The following RIN3 variants were observed in gnomAD, a reference collection of about 807,000 sequenced individuals.
RIN3 encodes the protein Ras and Rab interactor 3.
In RIN3, 54 loss-of-function variants were observed where a neutral mutation model predicts 76.3. That is an observed-to-expected ratio of 0.71 (90% confidence interval 0.57 to 0.89). RIN3 has a LOEUF of 0.89. Among genes scored for constraint, RIN3 ranks in the 40% least tolerant of loss-of-function variants. The pLI is 0.00. For synonymous variants in RIN3, 576 were observed against 564.0 expected (o/e 1.02, Z -0.30); for missense variants, 1,256 against 1,322.1 (o/e 0.95, Z 0.78).
At chr14:92,559,571 G>T (rs896245010) in intron 2 of RIN3, among the ~76,000 whole-genome samples, 1 of 152,212 alleles carries the variant, frequency 6.6e-6, no homozygotes, top group Non-Finnish European at 1.5e-5. Flanking sequence ...AATATGAACC[G>T]TAAAGGCACC....
At chr14:92,576,333 G>A in intron 2 of RIN3, 1 of 1,289,874 alleles carries the variant, frequency 7.8e-7, no homozygotes, top group Non-Finnish European at 1.0e-6. Context: ...TAGAGCGTGA[G>A]AAGGAGAAGC....
chr14:92,687,546 G>T, intron 9 of RIN3: 1 of 271,544 alleles, frequency 3.7e-6, no homozygotes, highest in Non-Finnish European at 7.0e-6. Context: ...CTTCTTATCT[G>T]TGCTGCCCTC....
At chr14:92,527,705 C>T (rs941535494) in intron 1 of RIN3, among the ~76,000 whole-genome samples, 17 of 152,148 alleles carry the variant, frequency 1.1e-4, no homozygotes, top group African/African-American at 3.9e-4. Flanking sequence ...GTTTCTGCTT[C>T]GTCCCTACGT....
chr14:92,656,546 C>G lies in RIN3; in HGVS notation c.2027-2615C>G, dbSNP rs1366650835. ...GCTGGCTGGCAGGATGCAGACACAC[C>G]ATGGGTCCTGTTAAGGCCAAATCTG... On this transcript the variant is annotated intron_variant, in intron 6 of 9. Transcript: ENST00000216487. This position sits in a 1 kb window ranked among gnomAD's most constrained non-coding sequence, Gnocchi z 5.2. Among the ~76,000 whole-genome samples the G allele has an allele frequency of 6.6e-6, 1 of 152,196 alleles. No individual in the cohort carries two copies. The highest frequency in any genetic ancestry group is 1.5e-5 in the Non-Finnish European group (1 of 68,038).
intron 3 of RIN3, among the ~76,000 whole-genome samples, chr14:92,592,476 C>T (rs922609248): frequency 6.6e-6 from 1 of 151,092 alleles, no homozygotes; most frequent in Non-Finnish European, 1.5e-5. Flanking sequence ...TTCACAATTC[C>T]AAAATCAGTA....
intron 1 of RIN3, among the ~76,000 whole-genome samples, chr14:92,530,982 C>T (rs191817563): frequency 4.1e-4 from 62 of 152,194 alleles, no homozygotes; most frequent in Admixed American, 3.4e-3. Flanking sequence ...TCACTGTCTT[C>T]GGAGTCTTTG....
chr14:92,642,079 G>T (rs953638036), intron 5 of RIN3, among the ~76,000 whole-genome samples: 8 of 151,814 alleles, frequency 5.3e-5, no homozygotes, highest in African/African-American at 1.9e-4. Flanking sequence ...TGGGAGCAGA[G>T]AATTTTTTTT....
At chr14:92,538,812 G>C (rs900639398) in intron 1 of RIN3, among the ~76,000 whole-genome samples, 1 of 152,020 alleles carries the variant, frequency 6.6e-6, no homozygotes, top group Non-Finnish European at 1.5e-5. Flanking sequence ...ATAGTCACAC[G>C]GTTCAAATTC....
At chr14:92,651,450 AACC>A in intron 5 of RIN3, 129 bp from the exon 6 acceptor site, 1 of 456,446 alleles carries the variant, frequency 2.2e-6, no homozygotes, top group South Asian at 2.5e-5. Context: ...AAACAACCTC[AACC>A]TCGGAGTAGT....
At chr14:92,562,745 T>C (rs1217989230) in intron 2 of RIN3, among the ~76,000 whole-genome samples, 1 of 152,158 alleles carries the variant, frequency 6.6e-6, no homozygotes, top group Non-Finnish European at 1.5e-5. Flanking sequence ...GCTCATCTTA[T>C]ATATTTTCTG....
Position 92,583,518 on chromosome 14 carries a change from A to G in RIN3, c.367+6041A>G, listed in dbSNP as rs900750742. 4.6e-5 allele frequency among the ~76,000 whole-genome samples: 7 copies of G among 152,268 alleles called. No individual in the cohort carries two copies. The East Asian group carries it at 9.6e-4, about 21-fold the overall frequency. Reference sequence around the variant, plus strand: ...TGGCCCTCCAACCTGTGGTTTCCACATCCACGGATTTAATCAAACATGGAT... The same window carrying G: ...TGGCCCTCCAACCTGTGGTTTCCACGTCCACGGATTTAATCAAACATGGAT... On this transcript the variant is annotated intron_variant, in intron 3 of 9. Transcript: ENST00000216487.
chr14:92,574,533 C>T (rs150724318), intron 2 of RIN3, among the ~76,000 whole-genome samples: 20 of 152,244 alleles, frequency 1.3e-4, no homozygotes, highest in African/African-American at 4.1e-4. Context: ...CTATGTTTGC[C>T]GCTTGAGTTT....
chr14:92,555,580 A>G (rs1897552917), intron 1 of RIN3, among the ~76,000 whole-genome samples, 171 bp from the exon 2 acceptor site: 1 of 151,994 alleles, frequency 6.6e-6, no homozygotes, highest in South Asian at 2.1e-4. Context: ...TGTGTTTCCT[A>G]CAAGCACCCT....
At chr14:92,655,269 A>T (rs1477588180) in intron 6 of RIN3, among the ~76,000 whole-genome samples, 1 of 152,206 alleles carries the variant, frequency 6.6e-6, no homozygotes, top group Non-Finnish European at 1.5e-5. Flanking sequence ...AATTGCTTGA[A>T]TCCAGGAGGC....
chr14:92,550,511 C>G (rs570230679), intron 1 of RIN3, among the ~76,000 whole-genome samples: 53 of 152,266 alleles, frequency 3.5e-4, no homozygotes, highest in Admixed American at 3.3e-3. Context: ...CCTCCAGGCT[C>G]AAGCAATCCT....
chr14:92,532,633 C>T (rs747842877), intron 1 of RIN3, among the ~76,000 whole-genome samples: 3 of 152,192 alleles, frequency 2.0e-5, no homozygotes, highest in African/African-American at 4.8e-5. Context: ...CTAACGTCCC[C>T]CACTCAACCC....
At chr14:92,674,851 T>G (rs1218417098) in intron 7 of RIN3, among the ~76,000 whole-genome samples, 1 of 146,624 alleles carries the variant, frequency 6.8e-6, no homozygotes, top group South Asian at 2.1e-4. Context: ...ATGGCACCAC[T>G]GCACTCCAGC....
rs12891909 is a variant in RIN3 at position 92,681,565 on chromosome 14, T to C, written c.2468-3422T>C. On this transcript the variant is annotated intron_variant, in intron 8 of 9. Transcript: ENST00000216487. This position sits in a 1 kb window ranked among gnomAD's most constrained non-coding sequence, Gnocchi z 4.7. The stretch of plus-strand genomic sequence containing the variant: ...ACCTGAATTACAGGGCTGGCTGCTA[T>C]GGAGCAAAGACCTAGATCCTGTTCT... 0.71 allele frequency among the ~76,000 whole-genome samples: 107,750 copies of C among 152,216 alleles called. 38,332 individuals are homozygous for C. Among genetic ancestry groups the C allele is most frequent in the East Asian group, 0.8 (4,130 of 5,172 alleles).
At chr14:92,523,392 G>T (rs1022598696) in intron 1 of RIN3, among the ~76,000 whole-genome samples, 1 of 152,200 alleles carries the variant, frequency 6.6e-6, no homozygotes, top group Non-Finnish European at 1.5e-5. Flanking sequence ...GATTACAGGC[G>T]TGAGCCACCG....
Sources: allele counts gnomAD v4.1 joint callset (sites outside exome capture counted in the v4.1 genomes callset), GRCh38; gene constraint gnomAD v4.1.1; non-coding constraint Gnocchi (gnomAD v3.1); transcripts MANE v1.5; gene names NCBI Gene and HGNC (gene_info 2026-07-23, HGNC 2026-07-21).